PHF6: variants seen among roughly 807,000 people sequenced by gnomAD.
PHF6 encodes the protein PHD-like zinc finger protein.
PHF6 carries 7 observed loss-of-function variants against 34.0 expected under a neutral mutation model. The observed-to-expected ratio is 0.21, with a 90% confidence interval of 0.12 to 0.39. PHF6 has a LOEUF of 0.39. Among genes scored for constraint, PHF6 ranks in the 10% least tolerant of loss-of-function variants. The pLI is 1.00. For synonymous variants in PHF6, 89 were observed against 88.4 expected (o/e 1.01, Z -0.04); for missense variants, 128 against 262.8 (o/e 0.49, Z 3.55).
chrX:134,407,217 A>C (rs747828832), intron 5 of PHF6, among the ~76,000 whole-genome samples: 1 of 112,363 alleles, frequency 8.9e-6, no homozygotes, highest in African/African-American at 3.2e-5. Context: ...ACTTTGTGGA[A>C]TGATTGTGAG....
At chrX:134,400,383 C>T (rs1253309195) in intron 5 of PHF6, among the ~76,000 whole-genome samples, 2 of 102,493 alleles carry the variant, frequency 2.0e-5, no homozygotes, top group African/African-American at 3.6e-5. Context: ...ACCCTCCCAG[C>T]CTTTGCCTTT....
chrX:134,396,491 A>G (rs2077377950), intron 5 of PHF6, among the ~76,000 whole-genome samples: 1 of 111,304 alleles, frequency 9.0e-6, no homozygotes. Context: ...CATACTTTTC[A>G]AGACAACTTT....
chrX:134,409,735 A>G (rs1415258503), intron 5 of PHF6, among the ~76,000 whole-genome samples: 1 of 107,768 alleles, frequency 9.3e-6, no homozygotes, highest in African/African-American at 3.4e-5. Flanking sequence ...CTGAGGTTGG[A>G]GTATGAATGA....
intron 3 of PHF6, among the ~76,000 whole-genome samples, chrX:134,380,645 A>C (rs1339470012): frequency 1.8e-5 from 2 of 111,596 alleles, no homozygotes; most frequent in Admixed American, 1.9e-4. Context: ...TTTGAATCCC[A>C]GCTCTGTCAT....
At chrX:134,398,586 G>A (rs998905082) in intron 5 of PHF6, among the ~76,000 whole-genome samples, 5 of 111,738 alleles carry the variant, frequency 4.5e-5, no homozygotes, top group Admixed American at 1.9e-4. Flanking sequence ...TTGTAACTAC[G>A]GAGATGAGCA....
At chrX:134,423,271 G>C (rs1342184523) in intron 9 of PHF6, among the ~76,000 whole-genome samples, 1 of 111,925 alleles carries the variant, frequency 8.9e-6, no homozygotes, top group Admixed American at 9.5e-5. Context: ...CATTGCATTT[G>C]ATATGTCTCT....
chrX:134,411,140 T>TGGG (rs2077449108), intron 5 of PHF6, among the ~76,000 whole-genome samples: 1 of 109,693 alleles, frequency 9.1e-6, no homozygotes, highest in Non-Finnish European at 1.9e-5. Context: ...TTAGTGGAGA[T>TGGG]GGGGTTTTTC....
chrX:134,415,583 A>G (rs2077469951), intron 8 of PHF6, among the ~76,000 whole-genome samples: 1 of 112,538 alleles, frequency 8.9e-6, no homozygotes, highest in Non-Finnish European at 1.9e-5. Context: ...TGTTAAACAT[A>G]CTGAATTACC....
chrX:134,417,826 T>A (rs1388556948), intron 9 of PHF6: 1 of 112,404 alleles, frequency 8.9e-6, no homozygotes, highest in Non-Finnish European at 1.8e-5. Context: ...GCCATTGCAC[T>A]CCAGCCTGAG....
At chrX:134,377,545 C>T in intron 1 of PHF6, 27 bp from the exon 2 acceptor site, 1 of 1,024,955 alleles carries the variant, frequency 9.8e-7, no homozygotes, top group Non-Finnish European at 1.3e-6. Context: ...ATAAAATTAA[C>T]ATTGTCGCCC....
chrX:134,407,402 C>G (rs935330966), intron 5 of PHF6, among the ~76,000 whole-genome samples: 13 of 112,364 alleles, frequency 1.2e-4, no homozygotes, highest in African/African-American at 4.2e-4. Flanking sequence ...GTGTTCATCA[C>G]ATTTGTAACA....
In PHF6 at chrX:134,427,448, G is replaced by A. The variant is rs1049311786; in HGVS notation, c.*1788G>A. 5 of 158,704 alleles carry A rather than the reference G, an allele frequency of 3.2e-5. No homozygotes were observed. Among genetic ancestry groups the A allele is most frequent in the Non-Finnish European group, 6.1e-5 (5 of 81,971 alleles). 13.1% of individuals were successfully genotyped at this position (158,704 alleles called of 1,213,427 possible). Reference sequence around the variant, plus strand: ...CATTGTGTGCCATAGACTTACCCATGGGACAACAGAGCTCCTTCATTTTTG... The same window carrying A: ...CATTGTGTGCCATAGACTTACCCATAGGACAACAGAGCTCCTTCATTTTTG... On this transcript the variant is annotated 3_prime_UTR_variant, in exon 11 of 11. Coordinates refer to ENST00000370803, the MANE Select transcript of PHF6 (RefSeq NM_001015877.2).
intron 3 of PHF6, among the ~76,000 whole-genome samples, chrX:134,381,495 ATTT>A (rs72244870): frequency 3.1e-5 from 3 of 95,747 alleles, no homozygotes; most frequent in Non-Finnish European, 4.2e-5. Context: ...CCTAATTGAC[ATTT>A]TTTTTTTTTT....
At chrX:134,376,001 C>T (rs756762575) in intron 1 of PHF6, among the ~76,000 whole-genome samples, 2 of 111,392 alleles carry the variant, frequency 1.8e-5, no homozygotes, top group Non-Finnish European at 3.8e-5. Flanking sequence ...GTCATTTGGA[C>T]GACTGAGATA....
At chrX:134,399,686 GACAC>G (rs749494093) in intron 5 of PHF6, among the ~76,000 whole-genome samples, 50 of 95,511 alleles carry the variant, frequency 5.2e-4, no homozygotes, top group Non-Finnish European at 8.4e-4. Context: ...CACACACACA[GACAC>G]ACACACACAC....
chrX:134,387,880 CACTTTTCAGTG>C (rs2077338569), intron 3 of PHF6, among the ~76,000 whole-genome samples: 1 of 111,784 alleles, frequency 8.9e-6, no homozygotes, highest in Admixed American at 9.5e-5. Flanking sequence ...AGCAACTTGT[CACTTTTCAGTG>C]ACTGACAGCT....
chrX:134,407,200 C>T (rs778505492), intron 5 of PHF6, among the ~76,000 whole-genome samples: 9 of 111,854 alleles, frequency 8.0e-5, no homozygotes, highest in African/African-American at 2.6e-4. Flanking sequence ...GGAAGATGAC[C>T]GTTACAACTT....
In PHF6 at chrX:134,409,620, C is replaced by T. The variant is rs190880929; in HGVS notation, c.419-3871C>T. 6.4e-3 allele frequency among the ~76,000 whole-genome samples: 697 copies of T among 108,889 alleles called. 5 individuals carry two copies. The highest frequency in any genetic ancestry group is 0.022 in the African/African-American group (665 of 29,987). The allele number at this position is 108,889 out of a possible 115,157, so 94.6% of individuals were successfully genotyped here. ...TTTAGGGGCACTTGTTTTATATTTT[C>T]TTTCTAACACGTATTTTGTTGGGTT... On this transcript the variant is annotated intron_variant, in intron 5 of 10. Transcript: ENST00000370803.
intron 3 of PHF6, among the ~76,000 whole-genome samples, chrX:134,380,208 G>A (rs1220863450): frequency 2.9e-5 from 3 of 104,315 alleles, no homozygotes; most frequent in South Asian, 4.5e-4. Context: ...GTGCAGTGGC[G>A]TGATCTCGGC....
Sources: allele counts gnomAD v4.1 joint callset (sites outside exome capture counted in the v4.1 genomes callset), GRCh38; gene constraint gnomAD v4.1.1; transcripts MANE v1.5; gene names NCBI Gene and HGNC (gene_info 2026-07-23, HGNC 2026-07-21).